Variants in RNF168 observed in about 807,000 individuals in gnomAD.
RNF168 encodes ring finger protein 168.
RNF168 carries 34 observed loss-of-function variants against 34.9 expected under a neutral mutation model. That is an observed-to-expected ratio of 0.97 (90% confidence interval 0.74 to 1.30). RNF168 has a LOEUF of 1.30. Ranked by LOEUF, RNF168 falls within the 50% of genes most tolerant of loss-of-function variation. RNF168 has a pLI of 0.00. For synonymous variants in RNF168, 264 were observed against 254.7 expected, an observed-to-expected ratio of 1.04 and a Z score of -0.35; for missense variants, 725 against 682.5, an observed-to-expected ratio of 1.06 and a Z score of -0.69.
At chr3:196,484,001 T>C (rs2108648788) in intron 3 of RNF168, 110 bp from the exon 4 acceptor site, 3 of 854,744 alleles carry the variant, frequency 3.5e-6, no homozygotes, top group East Asian at 4.9e-5. Context: ...GAAATTATAG[T>C]TATATTTAAA....
intron 1 of RNF168, among the ~76,000 whole-genome samples, chr3:196,499,847 G>T (rs1022092188): frequency 6.6e-6 from 1 of 152,188 alleles, no homozygotes; most frequent in East Asian, 1.9e-4. Context: ...GATTTGAATA[G>T]ATATTTCATA....
intron 5 of RNF168, 174 bp downstream of exon 5, chr3:196,475,057 T>G: frequency 1.7e-6 from 1 of 586,636 alleles, no homozygotes; most frequent in Non-Finnish European, 3.0e-6. Context: ...ATTTAAAAAA[T>G]TGTAGTTTCC....
At position 196,472,097 on chromosome 3, in the gene RNF168, A is replaced by C. The variant is rs1732020227; in HGVS notation, c.1438T>G (p.Ser480Ala). The change falls in exon 6 of 6, where the codon TCC (serine) becomes GCC (alanine). Residue 480 changes from serine (S) to alanine (A), a missense_variant. Transcript: ENST00000318037. ...SPDEYHLRAT[S>A]SPPDKVLNGQ... ...TTTAGCACTTTGTCTGGAGGGGAGG[A>C]TGTAGCGCGTAAGTGATACTCATCT... 1 of 1,613,230 alleles carries C rather than the reference A, an allele frequency of 6.2e-7. No homozygotes were observed. The highest frequency in any genetic ancestry group is 8.5e-7 in the Non-Finnish European group (1 of 1,179,714).
At position 196,471,736 on chromosome 3, in the gene RNF168, G is replaced by T; in HGVS notation, c.*83C>A. ...AGTGTGCCTAGAGAGCAGCATGAAT[G>T]ACACATGGATGAAGATTCCATGATA... On this transcript the variant is annotated 3_prime_UTR_variant, in exon 6 of 6. Coordinates refer to ENST00000318037, the MANE Select transcript of RNF168 (RefSeq NM_152617.4). 1 of 918,884 alleles carries T rather than the reference G, an allele frequency of 1.1e-6. No homozygotes were observed. Among genetic ancestry groups the T allele is most frequent in the Non-Finnish European group, 1.8e-6 (1 of 552,692 alleles). The allele number at this position is 918,884 out of a possible 1,614,324, so 56.9% of individuals were successfully genotyped here.
In RNF168 at chr3:196,483,840, A is replaced by G; in HGVS notation, c.610T>C (p.Ser204Pro). Residue 204 changes from serine (S) to proline (P), a missense_variant, in exon 4 of 6, where the codon TCT (serine) becomes CCT (proline). Transcript: ENST00000318037. Reference protein sequence around the residue: ...ISASPLNSRKSDPVTPKSEKK... With the variant: ...ISASPLNSRKPDPVTPKSEKK... Reference sequence around the variant, plus strand: ...TCAGACTTGGGTGTAACTGGATCAGATTTTCTGGAATTCAAGGGAGAAGCC... The same window carrying G: ...TCAGACTTGGGTGTAACTGGATCAGGTTTTCTGGAATTCAAGGGAGAAGCC... 1 of 1,609,518 alleles carries G rather than the reference A, an allele frequency of 6.2e-7. No individual in the cohort carries two copies. The highest frequency in any genetic ancestry group is 8.5e-7 in the Non-Finnish European group (1 of 1,175,898).
intron 1 of RNF168, among the ~76,000 whole-genome samples, chr3:196,491,024 A>G (rs573769409): frequency 5.5e-4 from 84 of 152,326 alleles, no homozygotes; most frequent in Middle Eastern, 3.4e-3. Context: ...CATTTAAAAA[A>G]TTAAAGTAAG....
chr3:196,479,005 C>T (rs1732221657), intron 4 of RNF168, among the ~76,000 whole-genome samples: 1 of 140,182 alleles, frequency 7.1e-6, no homozygotes, highest in African/African-American at 2.7e-5. Flanking sequence ...CCGCACCTGG[C>T]CATTATTTTA....
At chr3:196,477,497 T>C (rs1732177123) in intron 4 of RNF168, among the ~76,000 whole-genome samples, 2 of 152,224 alleles carry the variant, frequency 1.3e-5, no homozygotes, top group African/African-American at 4.8e-5. Context: ...TATCAATCTA[T>C]ATATTTACTC....
chr3:196,497,749 A>G (rs1437010718), intron 1 of RNF168, among the ~76,000 whole-genome samples: 1 of 152,202 alleles, frequency 6.6e-6, no homozygotes, highest in Non-Finnish European at 1.5e-5. Flanking sequence ...GGTTTCTTAG[A>G]CCATAAAAAG....
chr3:196,503,350 G>A lies in RNF168; in HGVS notation c.-177C>T. 1.5e-6 allele frequency: 1 copy of A among 655,218 alleles called. No individual in the cohort carries two copies. The highest frequency in any genetic ancestry group is 2.7e-6 in the Non-Finnish European group (1 of 367,610). The allele number at this position is 655,218 out of a possible 1,614,324, so 40.6% of individuals were successfully genotyped here. On this transcript the variant is annotated 5_prime_UTR_variant, in exon 1 of 6. Transcript: ENST00000318037. ...GTCTTGAAGCAAAAAGGCGCTCTCAGGGTCAGGCAAACAGGAATACCCCGG... is the reference window on the plus strand; with the variant it reads ...GTCTTGAAGCAAAAAGGCGCTCTCAAGGTCAGGCAAACAGGAATACCCCGG...
chr3:196,488,212 T>C (rs773466908), intron 2 of RNF168, among the ~76,000 whole-genome samples: 3 of 152,190 alleles, frequency 2.0e-5, no homozygotes, highest in Non-Finnish European at 4.4e-5. Flanking sequence ...CCAGGCACAG[T>C]GGCTCACACC....
chr3:196,502,274 T>G (rs1732913866), intron 1 of RNF168, among the ~76,000 whole-genome samples: 2 of 151,984 alleles, frequency 1.3e-5, no homozygotes, highest in East Asian at 3.9e-4. Flanking sequence ...AAGAATTAAA[T>G]GAATGGAGAT....
chr3:196,501,077 C>T (rs1230165216), intron 1 of RNF168, among the ~76,000 whole-genome samples: 3 of 152,136 alleles, frequency 2.0e-5, no homozygotes, highest in Non-Finnish European at 4.4e-5. Context: ...CGGAAAATAA[C>T]AAGTGTTGGT....
chr3:196,477,461 G>C (rs1172771064), intron 4 of RNF168, among the ~76,000 whole-genome samples: 1 of 152,190 alleles, frequency 6.6e-6, no homozygotes, highest in Admixed American at 6.5e-5. Context: ...GGGCAAACAA[G>C]AGTACCTAAC....
chr3:196,484,387 G>T (rs1399894335), intron 3 of RNF168, among the ~76,000 whole-genome samples: 2 of 150,816 alleles, frequency 1.3e-5, no homozygotes, highest in African/African-American at 2.4e-5. Flanking sequence ...TGTTAGCCAG[G>T]ATGGTCTCGA....
At chr3:196,485,868 T>C (rs1732410456) in intron 3 of RNF168, among the ~76,000 whole-genome samples, 1 of 152,228 alleles carries the variant, frequency 6.6e-6, no homozygotes, top group African/African-American at 2.4e-5. Context: ...AGAATTGTTT[T>C]CACAGGCTCT....
chr3:196,470,657 A>AT lies in RNF168; in HGVS notation c.*1161_*1162insA, dbSNP rs1671235809. On this transcript the variant is annotated 3_prime_UTR_variant, in exon 6 of 6. Coordinates refer to ENST00000318037, the MANE Select transcript of RNF168 (RefSeq NM_152617.4). ...CGTCTGGACCCGTTTCTGACGACCT[A>AT]ATCAGTTTCAATGATCCAGACTGTC... The AT allele has an allele frequency of 6.7e-6, 1 of 149,158 alleles. No homozygotes were observed. Among genetic ancestry groups the AT allele is most frequent in the African/African-American group, 2.5e-5 (1 of 39,484 alleles). The allele number at this position is 149,158 out of a possible 1,614,324, so 9.2% of individuals were successfully genotyped here. A position where few individuals can be genotyped will look rare whatever the true frequency, so the allele number is the denominator to read the frequency against.
intron 1 of RNF168, among the ~76,000 whole-genome samples, chr3:196,499,965 T>C (rs1349466745): frequency 1.3e-5 from 2 of 152,200 alleles, no homozygotes; most frequent in Non-Finnish European, 2.9e-5. Flanking sequence ...TACCACCTCA[T>C]ACTCACCAGG....
In RNF168 at chr3:196,470,410, C is replaced by T. The variant is rs916287966; in HGVS notation, c.*1409G>A. 1 of 152,062 alleles carries T rather than the reference C, an allele frequency of 6.6e-6. No individual in the cohort carries two copies. The highest frequency in any genetic ancestry group is 1.5e-5 in the Non-Finnish European group (1 of 68,636). The allele number at this position is 152,062 out of a possible 1,614,324, so 9.4% of individuals were successfully genotyped here. On this transcript the variant is annotated 3_prime_UTR_variant, in exon 6 of 6. Coordinates refer to ENST00000318037, the MANE Select transcript of RNF168 (RefSeq NM_152617.4). ...CTCATCTGGACCAGTTTCTGACGAC[C>T]CAATCAGTTTCAATGATCCAGACTG...
Sources: allele counts gnomAD v4.1 joint callset (sites outside exome capture counted in the v4.1 genomes callset), GRCh38; gene constraint gnomAD v4.1.1; transcripts MANE v1.5; gene names NCBI Gene and HGNC (gene_info 2026-07-23, HGNC 2026-07-21).